The following TSPAN9 variants were observed in gnomAD, a reference collection of about 807,000 sequenced individuals.
TSPAN9 encodes tetraspanin 9.
A neutral mutation model predicts 31.0 loss-of-function variants in TSPAN9; 16 were observed. That is an observed-to-expected ratio of 0.52 (90% CI 0.35 to 0.78). The LOEUF (loss-of-function observed/expected upper bound fraction) is 0.78. Ranked by LOEUF, TSPAN9 falls within the 30% of genes least tolerant of loss-of-function variation. The probability of loss-of-function intolerance (pLI) is 0.01; values close to 1 mark genes in which losing one functional copy is unlikely to be tolerated. For synonymous variants in TSPAN9, 145 were observed against 121.6 expected, an observed-to-expected ratio of 1.19 and a Z score of -1.27; for missense variants, 272 against 312.5, an observed-to-expected ratio of 0.87 and a Z score of 0.98.
intron 2 of TSPAN9, among the ~76,000 whole-genome samples, chr12:3,108,183 C>G (rs910348125): frequency 6.6e-6 from 1 of 152,182 alleles, no homozygotes; most frequent in African/African-American, 2.4e-5. Flanking sequence ...AGTGAGTCAT[C>G]GGATGCTACA....
At chr12:3,262,752 C>G (rs1862474442) in intron 3 of TSPAN9, among the ~76,000 whole-genome samples, 1 of 152,142 alleles carries the variant, frequency 6.6e-6, no homozygotes, top group African/African-American at 2.4e-5. Flanking sequence ...CGCCTGGACT[C>G]AGACGTAATT....
intron 2 of TSPAN9, among the ~76,000 whole-genome samples, chr12:3,176,522 G>A (rs1471758415): frequency 1.3e-5 from 2 of 152,168 alleles, no homozygotes; most frequent in Non-Finnish European, 2.9e-5. Context: ...TGGTAATGAA[G>A]GACATTCCGT....
chr12:3,176,597 G>A (rs2098355795), intron 2 of TSPAN9, among the ~76,000 whole-genome samples: 1 of 152,258 alleles, frequency 6.6e-6, no homozygotes, highest in African/African-American at 2.4e-5. Flanking sequence ...AAAGTTAGCT[G>A]TGAAAGAAGA....
intron 2 of TSPAN9, among the ~76,000 whole-genome samples, chr12:3,158,002 T>TA (rs957196922): frequency 1.8e-4 from 27 of 151,048 alleles, no homozygotes; most frequent in East Asian, 3.9e-4. Flanking sequence ...CTTTATCTAC[T>TA]AAAAAAAAAG....
intron 2 of TSPAN9, among the ~76,000 whole-genome samples, chr12:3,132,965 T>G (rs1200392858): frequency 2.0e-5 from 3 of 152,162 alleles, no homozygotes; most frequent in African/African-American, 7.2e-5. Flanking sequence ...CCAGATTGTC[T>G]CGAGAGGCGT....
chr12:3,099,255 C>T (rs1018015822), intron 2 of TSPAN9, among the ~76,000 whole-genome samples: 1 of 152,004 alleles, frequency 6.6e-6, no homozygotes, highest in African/African-American at 2.4e-5. Context: ...TGAATAGTTT[C>T]TATTGCTATG....
intron 3 of TSPAN9, among the ~76,000 whole-genome samples, chr12:3,267,640 A>G (rs1862561162): frequency 2.6e-5 from 4 of 152,238 alleles, no homozygotes; most frequent in Admixed American, 2.6e-4. Flanking sequence ...CAGAAGCACA[A>G]AACAAAACAA....
chr12:3,080,235 C>G (rs1348538861), intron 1 of TSPAN9, among the ~76,000 whole-genome samples: 1 of 152,178 alleles, frequency 6.6e-6, no homozygotes, highest in Non-Finnish European at 1.5e-5. Flanking sequence ...AGATAATTAA[C>G]AGTGTAAGAT....
rs1409312269 is a variant in TSPAN9 at position 3,280,319 on chromosome 12, T to G, written c.331-63T>G. 6.8e-7 allele frequency: 1 copy of G among 1,479,422 alleles called. No individual in the cohort carries two copies. The highest frequency in any genetic ancestry group is 9.4e-7 in the Non-Finnish European group (1 of 1,066,720). 91.6% of individuals were successfully genotyped at this position (1,479,422 alleles called of 1,614,324 possible). On this transcript the variant is annotated intron_variant, in intron 5 of 8. Transcript: ENST00000011898. The surrounding 1 kb of genome is among the most constrained non-coding windows in gnomAD (Gnocchi z 4.5). ...ACCCACCATCCTGGGTGACCTGAGG[T>G]GGGCTGGAGAGACGAGCTGCGTCCT...
intron 3 of TSPAN9, among the ~76,000 whole-genome samples, chr12:3,237,014 A>G (rs1226594719): frequency 6.6e-6 from 1 of 152,194 alleles, no homozygotes; most frequent in African/African-American, 2.4e-5. Flanking sequence ...GGCAGTGAGC[A>G]GTGCGGTGTG....
intron 2 of TSPAN9, among the ~76,000 whole-genome samples, chr12:3,122,048 T>G (rs2098325374): frequency 6.6e-6 from 1 of 152,042 alleles, no homozygotes; most frequent in Non-Finnish European, 1.5e-5. Flanking sequence ...TAAAAAGAGA[T>G]AGAGTTGGCC....
chr12:3,166,934 T>C (rs1310437257), intron 2 of TSPAN9, among the ~76,000 whole-genome samples: 1 of 152,174 alleles, frequency 6.6e-6, no homozygotes, highest in Non-Finnish European at 1.5e-5. Context: ...CTAGCTGGGA[T>C]TACAGGCATG....
intron 3 of TSPAN9, chr12:3,211,751 C>T: frequency 2.5e-6 from 4 of 1,597,590 alleles, no homozygotes; most frequent in Non-Finnish European, 3.4e-6. Flanking sequence ...GCAGCCAACA[C>T]ACAAAACTAC....
intron 7 of TSPAN9, 92 bp downstream of exon 7, chr12:3,281,421 C>T: frequency 6.9e-7 from 1 of 1,448,338 alleles, no homozygotes; most frequent in Non-Finnish European, 9.1e-7. Flanking sequence ...GCCCGGGACA[C>T]TAAGAGGTTG....
At chr12:3,082,623 G>A (rs2153961861) in intron 1 of TSPAN9, among the ~76,000 whole-genome samples, 1 of 152,286 alleles carries the variant, frequency 6.6e-6, no homozygotes, top group Non-Finnish European at 1.5e-5. Context: ...GGTAGGGAGA[G>A]TGGCTGGGCA....
intron 2 of TSPAN9, among the ~76,000 whole-genome samples, chr12:3,181,201 C>T (rs935868465): frequency 2.6e-5 from 4 of 151,890 alleles, no homozygotes; most frequent in Non-Finnish European, 5.9e-5. Flanking sequence ...TTGCATTAGC[C>T]AGAATCATGA....
At chr12:3,217,353 A>G (rs947217025) in intron 3 of TSPAN9, among the ~76,000 whole-genome samples, 1 of 152,002 alleles carries the variant, frequency 6.6e-6, no homozygotes, top group Non-Finnish European at 1.5e-5. Context: ...GGTCAGAGAC[A>G]CCCTCAGCTT....
chr12:3,113,878 C>A (rs1331923872), intron 2 of TSPAN9, among the ~76,000 whole-genome samples: 1 of 152,220 alleles, frequency 6.6e-6, no homozygotes, highest in East Asian at 1.9e-4. Context: ...TGCAGGGACG[C>A]TGTCTTTGAC....
chr12:3,203,565 G>A (rs932910202), intron 3 of TSPAN9, among the ~76,000 whole-genome samples: 1 of 152,194 alleles, frequency 6.6e-6, no homozygotes, highest in Non-Finnish European at 1.5e-5. Flanking sequence ...TAATTAGAAG[G>A]TACTGATTAC....
Sources: allele counts gnomAD v4.1 joint callset (sites outside exome capture counted in the v4.1 genomes callset), GRCh38; gene constraint gnomAD v4.1.1; non-coding constraint Gnocchi (gnomAD v3.1); transcripts MANE v1.5; gene names NCBI Gene and HGNC (gene_info 2026-07-23, HGNC 2026-07-21).